The following NKAP variants were observed in gnomAD, a reference collection of about 807,000 sequenced individuals.
The protein encoded by NKAP is NFKB activating protein.
Under a neutral mutation model 35.6 loss-of-function variants are expected in NKAP, and 4 were observed. That is an observed-to-expected ratio of 0.11 (90% confidence interval 0.06 to 0.26). The LOEUF (loss-of-function observed/expected upper bound fraction) is 0.26. NKAP is among the 10% of genes least tolerant of loss of function. NKAP has a pLI of 1.00. For missense variants in NKAP, 238 were observed against 321.9 expected (o/e 0.74, Z 1.99); for synonymous variants, 106 against 119.2 (o/e 0.89, Z 0.72).
intron 5 of NKAP, 22 bp downstream of exon 5, chrX:119,934,455 AGAAAAGAAATTTTCCAT>A: frequency 1.3e-6 from 1 of 775,045 alleles, no homozygotes; most frequent in Non-Finnish European, 1.8e-6. Context: ...AAAAAAAAAA[AGAAAAGAAATTTTCCAT>A]AATAAAACTT....
At position 119,943,375 on chromosome X, in the gene NKAP, C is replaced by T. The variant is rs1394931092; in HGVS notation, c.231G>A (p.Arg77=). Residue 77 remains arginine, a synonymous_variant, in exon 1 of 9, where the codon CGG becomes CGA. Transcript: ENST00000371410. ...SRNQSYRSRS[R]SRSRERPSAP... is the part of the protein sequence containing the mutation. ...CAGAGGGCCGCTCTCTAGAACGCGA[C>T]CGCGAGCGTGAGCGGTAGGACTGGT... 8.3e-7 allele frequency: 1 copy of T among 1,210,978 alleles called. No homozygotes were observed. Among genetic ancestry groups the T allele is most frequent in the Non-Finnish European group, 1.1e-6 (1 of 895,176 alleles).
chrX:119,943,311 C>T lies in NKAP; in HGVS notation c.295G>A (p.Val99Ile), dbSNP rs144649659. Reference protein sequence around the residue: ...GIPFASASSSVYYGSYSRPYG... With the variant: ...GIPFASASSSIYYGSYSRPYG... ...GGGCGCGAGTAGCTGCCGTAATAGA[C>T]TGACGAGGAGGCAGAAGCGAAGGGG... Residue 99 changes from valine (V) to isoleucine (I), a missense_variant, in exon 1 of 9, where the codon GTC becomes ATC. Physicochemically the swap from Val to Ile is conservative, Grantham distance 29. Around this residue, in one of 5 missense-constraint regions of NKAP, gnomAD observed 123 missense variants for 115.3 expected, o/e 1.07. Coordinates refer to ENST00000371410, the MANE Select transcript of NKAP (RefSeq NM_024528.4). 27 of 1,210,884 alleles carry T rather than the reference C, an allele frequency of 2.2e-5. No individual in the cohort carries two copies. Among genetic ancestry groups the T allele is most frequent in the Middle Eastern group, 4.6e-4 (2 of 4,327 alleles).
chrX:119,931,382 TGTAATCCCA>T (rs2056740346), intron 7 of NKAP, among the ~76,000 whole-genome samples: 2 of 108,988 alleles, frequency 1.8e-5, no homozygotes, highest in African/African-American at 3.3e-5. Context: ...GGCGCGTGCC[TGTAATCCCA>T]GTTACTCAGG....
Position 119,929,250 on chromosome X carries a change from C to T in NKAP, c.1073+766G>A, listed in dbSNP as rs146907569. On this transcript the variant is annotated intron_variant, in intron 8 of 8. Transcript: ENST00000371410. Reference sequence around the variant, plus strand: ...CTTTTTCTTGCCTTACTGTGTGGGTCCTCCAATGCAATGCTTCAAATATTG... The same window carrying T: ...CTTTTTCTTGCCTTACTGTGTGGGTTCTCCAATGCAATGCTTCAAATATTG... Among the ~76,000 whole-genome samples, 695 of 111,821 alleles carry T rather than the reference C, an allele frequency of 6.2e-3. 2 individuals carry two copies. Among genetic ancestry groups the T allele is most frequent in the Middle Eastern group, 0.018 (4 of 218 alleles).
At chrX:119,937,215 T>C (rs2056770953) in intron 2 of NKAP, 1 of 112,365 alleles carries the variant, frequency 8.9e-6, no homozygotes. Flanking sequence ...ATTCTGAAAA[T>C]GAGTATTATT....
intron 2 of NKAP, chrX:119,937,625 A>AAG (rs1556404932): frequency 3.7e-5 from 4 of 108,822 alleles, no homozygotes; most frequent in Non-Finnish European, 7.6e-5. Context: ...AAAAAAAAAA[A>AAG]AAGAAGAAAG....
At chrX:119,925,935 T>C (rs5910706) in intron 8 of NKAP, among the ~76,000 whole-genome samples, 8 of 74,562 alleles carry the variant, frequency 1.1e-4, no homozygotes, top group East Asian at 3.9e-4. Context: ...TTTTCTTTTT[T>C]TTTTTTTTTT....
intron 4 of NKAP, 145 bp downstream of exon 4, chrX:119,936,152 T>C (rs1288071151): frequency 3.6e-6 from 2 of 552,837 alleles, no homozygotes; most frequent in Non-Finnish European, 5.8e-6. Flanking sequence ...ATAAAGCACT[T>C]ATTGGGGTAC....
intron 8 of NKAP, among the ~76,000 whole-genome samples, chrX:119,926,391 C>T (rs892707571): frequency 2.7e-5 from 3 of 110,722 alleles, no homozygotes; most frequent in African/African-American, 6.5e-5. Context: ...CTCAGCCTCC[C>T]GAGTAGCCGG....
intron 8 of NKAP, among the ~76,000 whole-genome samples, chrX:119,926,556 C>T (rs1380073648): frequency 9.0e-6 from 1 of 111,251 alleles, no homozygotes; most frequent in African/African-American, 3.3e-5. Flanking sequence ...TGTGAGCCAC[C>T]ATGCCTGGCC....
At chrX:119,926,483 T>A (rs753928248) in intron 8 of NKAP, among the ~76,000 whole-genome samples, 1 of 107,680 alleles carries the variant, frequency 9.3e-6, no homozygotes, top group Admixed American at 1.0e-4. Context: ...GCCATGCTGG[T>A]TTCGAACTCC....
intron 2 of NKAP, chrX:119,937,357 C>G (rs1302769575): frequency 9.0e-6 from 1 of 110,933 alleles, no homozygotes; most frequent in African/African-American, 3.3e-5. Context: ...CGCCTGTAAT[C>G]CCAGCACTTT....
At chrX:119,929,728 T>C (rs73607088) in intron 8 of NKAP, among the ~76,000 whole-genome samples, 1,470 of 111,769 alleles carry the variant, frequency 0.013, 19 homozygotes, top group African/African-American at 0.045. Context: ...AACTATATCC[T>C]CCAGTGGATA....
intron 1 of NKAP, among the ~76,000 whole-genome samples, chrX:119,939,643 A>G (rs2056783055): frequency 9.0e-6 from 1 of 111,110 alleles, no homozygotes; most frequent in Non-Finnish European, 1.9e-5. Context: ...ACATGCCTGT[A>G]ATCCCAGCAC....
intron 2 of NKAP, among the ~76,000 whole-genome samples, chrX:119,938,312 C>CGG (rs1162935960): frequency 9.1e-6 from 1 of 110,214 alleles, no homozygotes; most frequent in Non-Finnish European, 1.9e-5. Flanking sequence ...ACCCAGGAGG[C>CGG]GGAGGTTGCA....
intron 8 of NKAP, among the ~76,000 whole-genome samples, chrX:119,926,235 C>G (rs1377376045): frequency 9.8e-6 from 1 of 101,753 alleles, no homozygotes; most frequent in Non-Finnish European, 2.0e-5. Context: ...GGATTACAGG[C>G]GTGAGCCACC....
Position 119,936,658 on chromosome X carries a change from C to G in NKAP, c.492G>C (p.Glu164Asp). 8.5e-7 allele frequency: 1 copy of G among 1,180,334 alleles called. No individual in the cohort carries two copies. The highest frequency in any genetic ancestry group is 3.0e-5 in the East Asian group (1 of 33,145). Residue 164 changes from glutamate to aspartate, a missense_variant, in exon 3 of 9, where the codon GAG becomes GAC. Glu to Asp is a conservative substitution (Grantham distance 45). Around this residue, in one of 5 missense-constraint regions of NKAP, gnomAD observed 89 missense variants for 91.7 expected, o/e 0.97. Transcript: ENST00000371410. Reference sequence around the variant, plus strand: ...TAGTGCTTTTCTTTGGCTCTTCATCCTCCACTGGTGTATGTTCATCAGAAC... The same window carrying G: ...TAGTGCTTTTCTTTGGCTCTTCATCGTCCACTGGTGTATGTTCATCAGAAC... The part of the protein sequence containing the change: ...EPDSDEHTPV[E>D]DEEPKKSTTS...
intron 2 of NKAP, chrX:119,938,151 G>A (rs951908653): frequency 8.9e-6 from 1 of 112,129 alleles, no homozygotes; most frequent in Non-Finnish European, 1.9e-5. Context: ...GGAGGCTGAG[G>A]CAAGCGGATC....
Position 119,934,527 on chromosome X carries a change from G to A in NKAP, c.704C>T (p.Ala235Val). The change falls in exon 5 of 9, where the codon GCC becomes GTC. Residue 235 changes from alanine to valine, a missense_variant. Coordinates refer to ENST00000371410, the MANE Select transcript of NKAP (RefSeq NM_024528.4). ...DEDNKRRAKK[A>V]KKKEKKKKHR... ...TTTCTTCTTCTTTTCCTTTTTCTTG[G>A]CTTTCTTTGCTCTCCTTTTGTTATC... is the stretch of plus-strand genomic sequence containing the variant. The A allele has an allele frequency of 8.7e-7, 1 of 1,150,978 alleles. No individual in the cohort carries two copies. The allele number at this position is 1,150,978 out of a possible 1,213,427, so 94.9% of individuals were successfully genotyped here. A position where few individuals can be genotyped will look rare whatever the true frequency, so the allele number is the denominator to read the frequency against.
Sources: gnomAD v4.1 joint callset for allele counts (sites outside exome capture counted in the v4.1 genomes callset) on GRCh38, gnomAD v4.1.1 for gene constraint, gnomAD v4.1.1 regional missense constraint, MANE v1.5 for transcripts, NCBI Gene and HGNC (gene_info 2026-07-23, HGNC 2026-07-21) for gene names.